Variants in PHC2 observed in about 807,000 individuals in gnomAD.
The protein encoded by PHC2 is polyhomeotic-like protein 2.
PHC2 carries 29 observed loss-of-function variants against 87.4 expected under a neutral mutation model. The ratio of observed to expected loss-of-function variants is 0.33; its 90% CI spans 0.25 to 0.45. The LOEUF (loss-of-function observed/expected upper bound fraction) is 0.45, where lower values mean the gene tolerates loss of function less well. PHC2 is among the 20% of genes least tolerant of loss of function. The pLI is 1.00. For missense variants in PHC2, 857 were observed against 1,136.7 expected (o/e 0.75, Z 3.54); for synonymous variants, 438 against 461.7 (o/e 0.95, Z 0.66).
intron 7 of PHC2, among the ~76,000 whole-genome samples, chr1:33,366,010 G>T (rs778766042): frequency 6.6e-6 from 1 of 152,182 alleles, no homozygotes; most frequent in African/African-American, 2.4e-5. Context: ...TCCTAAAATA[G>T]AATTTATGAA....
chr1:33,414,244 T>C (rs1273851454), intron 1 of PHC2, among the ~76,000 whole-genome samples: 2 of 151,642 alleles, frequency 1.3e-5, no homozygotes, highest in African/African-American at 2.4e-5. Flanking sequence ...TTGAGGTTGA[T>C]TTATTGCCCC....
rs1189380523 is a variant in PHC2 at position 33,332,357 on chromosome 1, T to C, written c.1809A>G (p.Ala603=). 3 of 1,614,036 alleles carry C rather than the reference T, an allele frequency of 1.9e-6. No homozygotes were observed. The highest frequency in any genetic ancestry group is 1.1e-5 in the South Asian group (1 of 91,072). The change falls in exon 11 of 15, where the codon GCA becomes GCG. Residue 603 remains alanine, a synonymous_variant. Transcript: ENST00000683057. This position sits in a 1 kb window ranked among gnomAD's most constrained non-coding sequence, Gnocchi z 4.2. The stretch of plus-strand genomic sequence containing the variant: ...GAAGTTTCTCAGGCAGGAACCCCTG[T>C]GCATACTTCTTCTTGAGATTCCCCA... The part of the protein sequence containing the change: ...LLVGNLKKKY[A]QGFLPEKLPQ...
intron 2 of PHC2, 46 bp downstream of exon 2, chr1:33,375,320 T>G: frequency 1.4e-6 from 2 of 1,416,718 alleles, no homozygotes; most frequent in Non-Finnish European, 1.9e-6. Context: ...TTGCTAGCCC[T>G]GGAGATGATT....
intron 2 of PHC2, among the ~76,000 whole-genome samples, chr1:33,373,386 G>A (rs149254547): frequency 0.016 from 2,431 of 152,260 alleles, 31 homozygotes; most frequent in Non-Finnish European, 0.023. Context: ...CTCCCAAAGT[G>A]CTGGGATTAC....
chr1:33,421,292 C>A (rs1357374023), intron 1 of PHC2, among the ~76,000 whole-genome samples: 3 of 151,968 alleles, frequency 2.0e-5, no homozygotes, highest in Admixed American at 6.6e-5. Context: ...AAAGACGGGA[C>A]TTTGTAAGCT....
At chr1:33,371,501 C>T (rs756334923) in intron 3 of PHC2, among the ~76,000 whole-genome samples, 2 of 152,016 alleles carry the variant, frequency 1.3e-5, no homozygotes, top group African/African-American at 4.8e-5. Context: ...CCATCACACC[C>T]GGCCACCGCC....
At chr1:33,395,363 T>C (rs1649250693) in intron 1 of PHC2, among the ~76,000 whole-genome samples, 1 of 152,162 alleles carries the variant, frequency 6.6e-6, no homozygotes, top group Admixed American at 6.5e-5. Flanking sequence ...ATTTGTACTA[T>C]ATCAATGCAT....
rs538822755 is a variant in PHC2, at chr1:33,389,739, C to G, written c.-54-14146G>C. ...TCAGCCTGTGATCTACTGTGACCACCGGCCTTTTGCTTCCTGCCGTATTTG... is the reference window on the plus strand; with the variant it reads ...TCAGCCTGTGATCTACTGTGACCACGGGCCTTTTGCTTCCTGCCGTATTTG... On this transcript the variant is annotated intron_variant, in intron 1 of 14. Transcript: ENST00000683057. 9.2e-5 allele frequency among the ~76,000 whole-genome samples: 14 copies of G among 152,282 alleles called. No individual in the cohort carries two copies. In the South Asian group the frequency reaches 2.9e-3, roughly 32 times the overall value.
chr1:33,361,128 A>G (rs1647185642), intron 7 of PHC2, among the ~76,000 whole-genome samples: 1 of 152,192 alleles, frequency 6.6e-6, no homozygotes, highest in South Asian at 2.1e-4. Context: ...GGAGTGGGAG[A>G]GAAGAGACAA....
At position 33,349,302 on chromosome 1, in the gene PHC2, G is replaced by A. The variant is rs533529392; in HGVS notation, c.1558+5099C>T. ...GGAAGTCGCAGCGGCGGGGAGGCCG[G>A]TCCTAGGTTGGGGCTGGGGTGGGGT... On this transcript the variant is annotated intron_variant, in intron 9 of 14. Transcript: ENST00000683057. The surrounding 1 kb of genome is among the most constrained non-coding windows in gnomAD (Gnocchi z 4.2). 5.6e-4 allele frequency: 556 copies of A among 985,100 alleles called. No homozygotes were observed. The highest frequency in any genetic ancestry group is 6.4e-4 in the Non-Finnish European group (535 of 829,850). 61.0% of individuals were successfully genotyped at this position (985,100 alleles called of 1,614,324 possible). A position where few individuals can be genotyped will look rare whatever the true frequency, so the allele number is the denominator to read the frequency against.
chr1:33,328,254 G>A (rs1646413780), intron 14 of PHC2, among the ~76,000 whole-genome samples: 1 of 152,052 alleles, frequency 6.6e-6, no homozygotes, highest in Non-Finnish European at 1.5e-5. Flanking sequence ...TCTGTGCCAT[G>A]TCTGGCCATA....
At chr1:33,396,455 C>T (rs1329293534) in intron 1 of PHC2, among the ~76,000 whole-genome samples, 1 of 152,182 alleles carries the variant, frequency 6.6e-6, no homozygotes, top group Non-Finnish European at 1.5e-5. Context: ...TGCTTCATTT[C>T]CACTGCCAGT....
intron 1 of PHC2, among the ~76,000 whole-genome samples, chr1:33,394,161 G>T (rs1020855728): frequency 1.3e-5 from 2 of 152,090 alleles, no homozygotes; most frequent in East Asian, 3.8e-4. Context: ...TTACAGAAAA[G>T]GACACTGATG....
Position 33,324,749 on chromosome 1 carries a change from T to C in PHC2, c.*116A>G, listed in dbSNP as rs554446830. The C allele has an allele frequency of 1.5e-4, 169 of 1,161,026 alleles. 1 individual carries two copies. The East Asian group carries it at 4.2e-3, about 29-fold the overall frequency. 71.9% of individuals were successfully genotyped at this position (1,161,026 alleles called of 1,614,324 possible). On this transcript the variant is annotated 3_prime_UTR_variant, in exon 15 of 15. Transcript: ENST00000683057. ...CAGACCTCCTCACCAGCTATGCCCC[T>C]AGGGAGAGCCCCTGCCCTCCAACCG... is the stretch of plus-strand genomic sequence containing the variant.
intron 1 of PHC2, among the ~76,000 whole-genome samples, chr1:33,428,209 T>C (rs1244745722): frequency 6.6e-6 from 1 of 152,220 alleles, no homozygotes; most frequent in Non-Finnish European, 1.5e-5. Flanking sequence ...TAGCTGAGAA[T>C]AACCCCCATA....
At chr1:33,357,178 G>A (rs186093877) in intron 7 of PHC2, among the ~76,000 whole-genome samples, 1 of 152,290 alleles carries the variant, frequency 6.6e-6, no homozygotes, top group East Asian at 1.9e-4. Context: ...GCCACAGCTG[G>A]AGGCCCGCAA....
At chr1:33,370,216 G>A (rs911439001) in intron 5 of PHC2, among the ~76,000 whole-genome samples, 3 of 152,174 alleles carry the variant, frequency 2.0e-5, no homozygotes, top group Admixed American at 6.5e-5. Flanking sequence ...CTCTGTTTCA[G>A]TCTGGAGCCC....
rs1381475772 is a variant in PHC2 at position 33,364,413 on chromosome 1, C to A, written c.976+2703G>T. Among the ~76,000 whole-genome samples the A allele has an allele frequency of 6.7e-6, 1 of 150,298 alleles. No individual in the cohort carries two copies. Among genetic ancestry groups the A allele is most frequent in the Non-Finnish European group, 1.5e-5 (1 of 67,696 alleles). Reference sequence around the variant, plus strand: ...TTTCACACACACACACACACACACACACACACACACACGCTCAAGCACGCT... The same window carrying A: ...TTTCACACACACACACACACACACAAACACACACACACGCTCAAGCACGCT... On this transcript the variant is annotated intron_variant, in intron 7 of 14. Coordinates refer to ENST00000683057, the MANE Select transcript of PHC2 (RefSeq NM_001385109.1). The surrounding 1 kb of genome is among the most constrained non-coding windows in gnomAD (Gnocchi z 4.1).
At chr1:33,392,189 ATG>A (rs777900101) in intron 1 of PHC2, among the ~76,000 whole-genome samples, 16 of 140,344 alleles carry the variant, frequency 1.1e-4, no homozygotes, top group Admixed American at 2.8e-4. Context: ...ACACACACAC[ATG>A]CACATGCACA....
Sources: allele counts gnomAD v4.1 joint callset (sites outside exome capture counted in the v4.1 genomes callset), GRCh38; gene constraint gnomAD v4.1.1; non-coding constraint Gnocchi (gnomAD v3.1); transcripts MANE v1.5; gene names NCBI Gene and HGNC (gene_info 2026-07-23, HGNC 2026-07-21).